Variants in COL16A1 observed in about 807,000 individuals in gnomAD.
The protein encoded by COL16A1 is collagen alpha-1(XVI) chain.
Under a neutral mutation model 266.3 loss-of-function variants are expected in COL16A1, and 189 were observed. That is an observed-to-expected ratio of 0.71 (90% CI 0.63 to 0.80). COL16A1 has a LOEUF of 0.80. Ranked by LOEUF, COL16A1 falls within the 30% of genes least tolerant of loss-of-function variation. The pLI is 0.00. For missense variants in COL16A1, 1,928 were observed against 2,122.4 expected, an observed-to-expected ratio of 0.91 and a Z score of 1.80; for synonymous variants, 740 against 782.3, an observed-to-expected ratio of 0.95 and a Z score of 0.90.
Position 31,697,178 on chromosome 1 carries a change from G to A in COL16A1, c.738+42C>T. 1.2e-6 allele frequency: 2 copies of A among 1,613,108 alleles called. No individual in the cohort carries two copies. Among genetic ancestry groups the A allele is most frequent in the Non-Finnish European group, 8.5e-7 (1 of 1,179,468 alleles). On this transcript the variant is annotated intron_variant, in intron 7 of 70. Transcript: ENST00000373672. The surrounding 1 kb of genome is among the most constrained non-coding windows in gnomAD (Gnocchi z 4.2). ...ATCACCTTCCAGACCCTCATCTCCA[G>A]CACAGTGTGTCCCTGGGCAGCCCAA... is the stretch of plus-strand genomic sequence containing the variant.
chr1:31,683,988 GT>G lies in COL16A1; in HGVS notation c.2298del (p.Pro767GlnfsTer9), dbSNP rs1643844518. 2.5e-6 allele frequency: 4 copies of G among 1,614,074 alleles called. No homozygotes were observed. The highest frequency in any genetic ancestry group is 3.4e-6 in the Non-Finnish European group (4 of 1,180,040). On this transcript the variant is annotated frameshift_variant, in exon 33 of 71. Transcript: ENST00000373672. LOFTEE classifies it high-confidence loss of function. ...AGTCCTGGGGGCCCTTGAACTCCTG[GT>G]AGACCGGGTTGGCCCTAAAAGGCAT... The part of the protein sequence containing the change: ...GRPGKPGQPG[L>X]PGVQGPPGLK...
chr1:31,660,496 C>A, intron 62 of COL16A1, 89 bp downstream of exon 62: 1 of 1,549,662 alleles, frequency 6.5e-7, no homozygotes, highest in Non-Finnish European at 8.8e-7. Context: ...ATGGCAAGTT[C>A]TCTCAGGTCA....
At chr1:31,696,873 T>C (rs541077008) in intron 8 of COL16A1, 90 bp downstream of exon 8, 1 of 1,586,702 alleles carries the variant, frequency 6.3e-7, no homozygotes, top group African/African-American at 1.3e-5. Context: ...CATGGCCAAC[T>C]GACCCTGGTG....
At position 31,685,650 on chromosome 1, in the gene COL16A1, G is replaced by T. The variant is rs146903712; in HGVS notation, c.2005C>A (p.Pro669Thr). The change falls in exon 29 of 71, where the codon CCA (proline) becomes ACA (threonine). Residue 669 changes from proline (P) to threonine (T), a missense_variant. Pro to Thr is a conservative substitution (Grantham distance 38). Coordinates refer to ENST00000373672, the MANE Select transcript of COL16A1 (RefSeq NM_001856.4). The surrounding 1 kb of genome is among the most constrained non-coding windows in gnomAD (Gnocchi z 4.0). ...ATATCCCACCTCACCTGTTTTCCTG[G>T]CAAGCCAAAGCCTGGAGGCCCAGGT... ...GEPGPPGFGL[P>T]GKQGKAGERG... 12 of 1,613,754 alleles carry T rather than the reference G, an allele frequency of 7.4e-6. No individual in the cohort carries two copies. In the East Asian group the frequency reaches 2.2e-4, roughly 30 times the overall value.
chr1:31,683,363 G>T lies in COL16A1; in HGVS notation c.2386C>A (p.Pro796Thr). Residue 796 changes from proline to threonine, a missense_variant, in exon 35 of 71, where the codon CCT becomes ACT. Transcript: ENST00000373672. ...ATGCCAGGCAAACCCGGGGCTCCAG[G>T]CTCCCCCTGCAAGTCAGAAAGGGCA... ...GRGVQGPQGE[P>T]GAPGLPGIQG... 6.2e-7 allele frequency: 1 copy of T among 1,614,052 alleles called. No individual in the cohort carries two copies. Among genetic ancestry groups the T allele is most frequent in the African/African-American group, 1.3e-5 (1 of 75,040 alleles).
intron 40 of COL16A1, 88 bp from the exon 41 acceptor site, chr1:31,679,939 C>A: frequency 6.4e-7 from 1 of 1,556,236 alleles, no homozygotes; most frequent in Non-Finnish European, 8.7e-7. Context: ...AGGCGGCTGG[C>A]TGGGGTGCGT....
chr1:31,660,651 G>C lies in COL16A1; in HGVS notation c.3826-13C>G. On this transcript the variant is annotated splice_polypyrimidine_tract_variant and intron_variant, in intron 61 of 70. Transcript: ENST00000373672. Reference sequence around the variant, plus strand: ...CACCAGGTTCACCCTGCAGGAGCCAGAAAAAGGAAAAAATGACACTGAAAC... The same window carrying C: ...CACCAGGTTCACCCTGCAGGAGCCACAAAAAGGAAAAAATGACACTGAAAC... 6.2e-7 allele frequency: 1 copy of C among 1,613,158 alleles called. No individual in the cohort carries two copies. The highest frequency in any genetic ancestry group is 2.2e-5 in the East Asian group (1 of 44,862).
chr1:31,662,310 C>A, intron 58 of COL16A1, 24 bp downstream of exon 58: 2 of 1,601,600 alleles, frequency 1.2e-6, no homozygotes, highest in Non-Finnish European at 1.7e-6. Context: ...AAGGGGTGCC[C>A]GCCCTCCCAG....
chr1:31,662,981 C>T, intron 56 of COL16A1: 1 of 459,614 alleles, frequency 2.2e-6, no homozygotes, highest in Non-Finnish European at 3.9e-6. Context: ...AGCTTCAATC[C>T]ACTGTGAAAG....
intron 42 of COL16A1, among the ~76,000 whole-genome samples, chr1:31,678,001 C>T (rs912084350): frequency 2.0e-5 from 3 of 152,194 alleles, no homozygotes; most frequent in African/African-American, 7.2e-5. Context: ...TGTTTCCTGG[C>T]AGTGTGGCAG....
At chr1:31,676,502 G>A (rs575315775) in intron 42 of COL16A1, among the ~76,000 whole-genome samples, 1 of 152,150 alleles carries the variant, frequency 6.6e-6, no homozygotes. Flanking sequence ...ACACAGCAAG[G>A]GTGGGTACTT....
rs1642596004 is a variant in COL16A1, at chr1:31,670,709, G to T, written c.3151-63C>A. On this transcript the variant is annotated intron_variant, in intron 48 of 70. Coordinates refer to ENST00000373672, the MANE Select transcript of COL16A1 (RefSeq NM_001856.4). This position sits in a 1 kb window ranked among gnomAD's most constrained non-coding sequence, Gnocchi z 4.5. ...CAGTAACCCTGGGACAGCCTGGAGG[G>T]CACAGTCTGGGGCTTGGGGGTCATG... 3 of 1,356,746 alleles carry T rather than the reference G, an allele frequency of 2.2e-6. No homozygotes were observed. The highest frequency in any genetic ancestry group is 2.9e-6 in the Non-Finnish European group (3 of 1,036,132). The allele number at this position is 1,356,746 out of a possible 1,614,324, so 84.0% of individuals were successfully genotyped here. A position where few individuals can be genotyped will look rare whatever the true frequency, so the allele number is the denominator to read the frequency against.
intron 20 of COL16A1, 58 bp from the exon 21 acceptor site, chr1:31,690,631 T>G: frequency 6.3e-7 from 1 of 1,589,222 alleles, no homozygotes; most frequent in South Asian, 1.1e-5. Context: ...TCTCGGTGCG[T>G]TCCCCCTTCC....
chr1:31,653,782 C>T, intron 69 of COL16A1, 85 bp downstream of exon 69: 2 of 1,570,490 alleles, frequency 1.3e-6, no homozygotes. Context: ...CACATACATC[C>T]CATATTCACA....
chr1:31,670,504 A>C lies in COL16A1; in HGVS notation c.3195+98T>G. The C allele has an allele frequency of 7.8e-7, 1 of 1,280,836 alleles. No homozygotes were observed. The highest frequency in any genetic ancestry group is 1.0e-6 in the Non-Finnish European group (1 of 1,001,814). The allele number at this position is 1,280,836 out of a possible 1,614,324, so 79.3% of individuals were successfully genotyped here. A position where few individuals can be genotyped will look rare whatever the true frequency, so the allele number is the denominator to read the frequency against. On this transcript the variant is annotated intron_variant, in intron 49 of 70. Coordinates refer to ENST00000373672, the MANE Select transcript of COL16A1 (RefSeq NM_001856.4). The surrounding 1 kb of genome is among the most constrained non-coding windows in gnomAD (Gnocchi z 4.5). ...GCCTGAAGGGGGACAACAAACACGG[A>C]GGACGGAGGTGAAGGCACGACAGGA...
At chr1:31,679,488 G>A (rs551524218) in intron 42 of COL16A1, 144 bp downstream of exon 42, 1 of 1,613,438 alleles carries the variant, frequency 6.2e-7, no homozygotes, top group Non-Finnish European at 8.5e-7. Flanking sequence ...TGCCACCCTG[G>A]GAGGCAGGTA....
At chr1:31,683,096 C>A in intron 36 of COL16A1, 94 bp from the exon 37 acceptor site, 1 of 1,608,370 alleles carries the variant, frequency 6.2e-7, no homozygotes, top group Non-Finnish European at 8.5e-7. Flanking sequence ...CTTAGGCAGC[C>A]CTCTGATAGG....
intron 20 of COL16A1, 111 bp downstream of exon 20, chr1:31,691,077 C>T (rs1045345472): frequency 3.6e-5 from 55 of 1,509,292 alleles, no homozygotes; most frequent in Non-Finnish European, 3.7e-5. Context: ...TCCAAAGGCC[C>T]GGCCTCCTCC....
chr1:31,656,004 G>A lies in COL16A1; in HGVS notation c.4101+396C>T, dbSNP rs1299809061. On this transcript the variant is annotated intron_variant, in intron 66 of 70. Coordinates refer to ENST00000373672, the MANE Select transcript of COL16A1 (RefSeq NM_001856.4). The surrounding 1 kb of genome is among the most constrained non-coding windows in gnomAD (Gnocchi z 4.2). ...GTGCTCCTCCCTCTCATCCCACAGC[G>A]CTATGTCTCATGTCTTCTGGAAAAC... 3 of 326,196 alleles carry A rather than the reference G, an allele frequency of 9.2e-6. No homozygotes were observed. The highest frequency in any genetic ancestry group is 9.9e-5 in the Admixed American group (2 of 20,266). 20.2% of individuals were successfully genotyped at this position (326,196 alleles called of 1,614,324 possible). A position where few individuals can be genotyped will look rare whatever the true frequency, so the allele number is the denominator to read the frequency against.
Sources: gnomAD v4.1 joint callset for allele counts (sites outside exome capture counted in the v4.1 genomes callset) on GRCh38, gnomAD v4.1.1 for gene constraint, Gnocchi (gnomAD v3.1) non-coding constraint, MANE v1.5 for transcripts, NCBI Gene and HGNC (gene_info 2026-07-23, HGNC 2026-07-21) for gene names.